The following PDE1C variants were observed in gnomAD, a reference collection of about 807,000 sequenced individuals.
The protein encoded by PDE1C is phosphodiesterase 1C.
Under a neutral mutation model 93.1 loss-of-function variants are expected in PDE1C, and 62 were observed. The ratio of observed to expected loss-of-function variants is 0.67; its 90% CI spans 0.54 to 0.82. The LOEUF (loss-of-function observed/expected upper bound fraction) is 0.82. PDE1C is among the 40% of genes least tolerant of loss of function. The probability of loss-of-function intolerance (pLI) is 0.00; values close to 1 mark genes in which losing one functional copy is unlikely to be tolerated. For missense variants in PDE1C, 742 were observed against 884.6 expected (o/e 0.84, Z 2.04); for synonymous variants, 325 against 310.1 (o/e 1.05, Z -0.50).
At chr7:31,817,024 C>T (rs1788358447) in intron 14 of PDE1C, among the ~76,000 whole-genome samples, 1 of 152,162 alleles carries the variant, frequency 6.6e-6, no homozygotes, top group East Asian at 1.9e-4. Flanking sequence ...GCGTTAAGCA[C>T]TGTTTTAGGT....
chr7:32,031,866 C>G (rs1170376247), intron 2 of PDE1C, among the ~76,000 whole-genome samples: 4 of 152,090 alleles, frequency 2.6e-5, no homozygotes, highest in Non-Finnish European at 5.9e-5. Context: ...AGACTGTGTC[C>G]AGACGTTGTC....
chr7:32,181,360 A>G (rs879544292), intron 2 of PDE1C, among the ~76,000 whole-genome samples: 22 of 152,324 alleles, frequency 1.4e-4, no homozygotes, highest in Middle Eastern at 3.4e-3. Context: ...TCTCAGCACC[A>G]CACTGCACTT....
chr7:32,362,846 A>G (rs564654188), intron 1 of PDE1C, among the ~76,000 whole-genome samples: 3 of 152,360 alleles, frequency 2.0e-5, no homozygotes, highest in Admixed American at 1.3e-4. Flanking sequence ...GATGAACTCA[A>G]TGCAAAAGCA....
rs539491882 is a variant in PDE1C, at chr7:32,366,791, C to T, written c.310+61031G>A. On this transcript the variant is annotated intron_variant, in intron 1 of 1. Transcript: ENST00000672256. ...TCAAAATACTGAAAGAAAAGGCTGC[C>T]GGTCAGGCAGATCATGAGGTCAGGA... Among the ~76,000 whole-genome samples the T allele has an allele frequency of 4.0e-5, 6 of 151,652 alleles. No homozygotes were observed. In the South Asian group the frequency reaches 1.3e-3, roughly 32 times the overall value.
the PDE1C span, among the ~76,000 whole-genome samples, chr7:31,717,021 A>G: frequency 2.0e-5 from 3 of 152,248 alleles, no homozygotes; most frequent in African/African-American, 7.2e-5. Context: ...GCAAAGCATA[A>G]AATATTGGAA....
chr7:32,206,331 C>A (rs1165945160), intron 2 of PDE1C, among the ~76,000 whole-genome samples: 1 of 152,118 alleles, frequency 6.6e-6, no homozygotes, highest in Non-Finnish European at 1.5e-5. Context: ...CAGCGTTTTT[C>A]TCTAGGTCAG....
At chr7:32,314,595 C>G (rs904475198) in intron 1 of PDE1C, among the ~76,000 whole-genome samples, 5 of 152,154 alleles carry the variant, frequency 3.3e-5, no homozygotes, top group African/African-American at 1.2e-4. Flanking sequence ...GGGTTAAGCT[C>G]TGTGCTTAGT....
chr7:31,853,250 T>G (rs554056012), intron 7 of PDE1C, among the ~76,000 whole-genome samples: 1 of 152,296 alleles, frequency 6.6e-6, no homozygotes, highest in African/African-American at 2.4e-5. Context: ...ACCATTGTCT[T>G]TAAAACTCAT....
intron 1 of PDE1C, among the ~76,000 whole-genome samples, chr7:32,405,047 G>A (rs1785023739): frequency 6.6e-6 from 1 of 152,058 alleles, no homozygotes; most frequent in Admixed American, 6.6e-5. Context: ...TGAGGATCCA[G>A]CCCTCCAGCA....
intron 1 of PDE1C, among the ~76,000 whole-genome samples, chr7:32,416,248 T>A (rs548691886): frequency 3.9e-5 from 6 of 152,332 alleles, no homozygotes; most frequent in Admixed American, 2.0e-4. Context: ...CCCTTTCTGA[T>A]TCCCCCTGGA....
At chr7:31,860,110 C>T (rs77590194) in intron 7 of PDE1C, among the ~76,000 whole-genome samples, 1 of 152,154 alleles carries the variant, frequency 6.6e-6, no homozygotes, top group Non-Finnish European at 1.5e-5. Context: ...AAATTGTTTT[C>T]TTATATGACT....
At chr7:31,722,196 C>T in the PDE1C span, among the ~76,000 whole-genome samples, 1 of 152,146 alleles carries the variant, frequency 6.6e-6, no homozygotes, top group Non-Finnish European at 1.5e-5. Flanking sequence ...GTTCTCTCCA[C>T]CCCTGCTGCA....
the PDE1C span, among the ~76,000 whole-genome samples, chr7:31,635,605 T>C: frequency 6.6e-6 from 1 of 152,226 alleles, no homozygotes; most frequent in Non-Finnish European, 1.5e-5. Flanking sequence ...TTACTCTTTC[T>C]ACCTTTTAGG....
the PDE1C span, among the ~76,000 whole-genome samples, chr7:31,681,636 T>C: frequency 6.6e-6 from 1 of 152,148 alleles, no homozygotes; most frequent in South Asian, 2.1e-4. Flanking sequence ...GATTATGAGC[T>C]CTTAAAAGAT....
chr7:31,795,677 G>C (rs1019337620), intron 16 of PDE1C, among the ~76,000 whole-genome samples: 6 of 151,736 alleles, frequency 4.0e-5, no homozygotes, highest in Non-Finnish European at 8.8e-5. Flanking sequence ...CTTGGTAAGA[G>C]ACTGGGATCT....
chr7:32,342,091 G>A (rs1783768455), intron 1 of PDE1C, among the ~76,000 whole-genome samples: 1 of 152,076 alleles, frequency 6.6e-6, no homozygotes, highest in African/African-American at 2.4e-5. Flanking sequence ...ATAGAATAAT[G>A]TATGATTGTT....
intron 2 of PDE1C, among the ~76,000 whole-genome samples, chr7:31,966,116 C>T (rs1267680947): frequency 6.6e-6 from 1 of 152,126 alleles, no homozygotes; most frequent in African/African-American, 2.4e-5. Flanking sequence ...GAATACTAAC[C>T]TTAAATGTAA....
intron 1 of PDE1C, among the ~76,000 whole-genome samples, chr7:32,286,250 T>TACTTA (rs1381675933): frequency 1.3e-5 from 2 of 152,228 alleles, no homozygotes; most frequent in African/African-American, 4.8e-5. Flanking sequence ...TGAAGATATG[T>TACTTA]CCCACAGGTG....
intron 1 of PDE1C, among the ~76,000 whole-genome samples, chr7:32,325,829 T>C (rs1458192535): frequency 6.6e-6 from 1 of 152,134 alleles, no homozygotes; most frequent in African/African-American, 2.4e-5. Flanking sequence ...CTGAGTGAGA[T>C]GAGGAAACAT....
Sources: allele counts gnomAD v4.1 joint callset (sites outside exome capture counted in the v4.1 genomes callset), GRCh38; gene constraint gnomAD v4.1.1; transcripts MANE v1.5; gene names NCBI Gene and HGNC (gene_info 2026-07-23, HGNC 2026-07-21).